PLCL1: variants seen among roughly 807,000 people sequenced by gnomAD.
The protein encoded by PLCL1 is phospholipase C like 1 (inactive).
Under a neutral mutation model 84.4 loss-of-function variants are expected in PLCL1, and 41 were observed. The ratio of observed to expected loss-of-function variants is 0.49; its 90% confidence interval spans 0.38 to 0.63. PLCL1 has a LOEUF of 0.63. PLCL1 is among the 30% of genes least tolerant of loss of function. The pLI is 0.00. For missense variants in PLCL1, 1,206 were observed against 1,367.8 expected, an observed-to-expected ratio of 0.88 and a Z score of 1.87; for synonymous variants, 490 against 488.3, an observed-to-expected ratio of 1.00 and a Z score of -0.05.
rs565186902 is a variant in PLCL1 at position 197,827,868 on chromosome 2, G to A, written c.240+22529G>A. On this transcript the variant is annotated intron_variant, in intron 1 of 5. Coordinates refer to ENST00000428675, the MANE Select transcript of PLCL1 (RefSeq NM_006226.4). ...AGTCAATGGAATATGATGACTCACA[G>A]GGAATGTAACTGTTTTCTGTTTTAG... 4.5e-4 allele frequency among the ~76,000 whole-genome samples: 68 copies of A among 152,214 alleles called. 2 individuals carry two copies. The South Asian group carries it at 1.0e-2, about 22-fold the overall frequency.
chr2:197,981,298 T>C (rs1242278789), intron 1 of PLCL1, among the ~76,000 whole-genome samples: 1 of 152,080 alleles, frequency 6.6e-6, no homozygotes, highest in Non-Finnish European at 1.5e-5. Context: ...ATGATAAAGA[T>C]CAACAGGAAA....
At chr2:198,026,302 A>G (rs894808024) in intron 1 of PLCL1, among the ~76,000 whole-genome samples, 9 of 152,334 alleles carry the variant, frequency 5.9e-5, no homozygotes, top group African/African-American at 1.4e-4. Context: ...GGGATGTAAA[A>G]TGCTGGTTTT....
chr2:197,861,508 A>G (rs1687433458), intron 1 of PLCL1, among the ~76,000 whole-genome samples: 1 of 152,166 alleles, frequency 6.6e-6, no homozygotes, highest in South Asian at 2.1e-4. Context: ...CTAGCAAATT[A>G]ATCAAACTTG....
At chr2:198,058,947 G>A (rs1692127332) in intron 1 of PLCL1, among the ~76,000 whole-genome samples, 2 of 152,134 alleles carry the variant, frequency 1.3e-5, no homozygotes, top group Admixed American at 1.3e-4. Flanking sequence ...AGATTTCCAA[G>A]GAACTAACCT....
At chr2:198,014,225 A>G (rs1277658410) in intron 1 of PLCL1, among the ~76,000 whole-genome samples, 1 of 152,118 alleles carries the variant, frequency 6.6e-6, no homozygotes, top group African/African-American at 2.4e-5. Context: ...TTAGGTAGAA[A>G]AGTTTGGGGT....
chr2:198,083,991 T>G lies in PLCL1; in HGVS notation c.474T>G (p.Leu158=), dbSNP rs1251000190. ...PSKKDLEKAK[L]DISAIKEIRL... Reference sequence around the variant, plus strand: ...AGAAAGACCTCGAGAAAGCCAAGCTTGATATTTCTGCCATAAAAGAGATCA... The same window carrying G: ...AGAAAGACCTCGAGAAAGCCAAGCTGGATATTTCTGCCATAAAAGAGATCA... The change falls in exon 2 of 6, where the codon CTT becomes CTG. Residue 158 remains leucine, a synonymous_variant. Coordinates refer to ENST00000428675, the MANE Select transcript of PLCL1 (RefSeq NM_006226.4). The G allele has an allele frequency of 3.7e-6, 6 of 1,613,892 alleles. No individual in the cohort carries two copies. In the African/African-American group the frequency reaches 6.7e-5, roughly 18 times the overall value.
intron 5 of PLCL1, among the ~76,000 whole-genome samples, chr2:198,116,173 G>T (rs900956018): frequency 6.6e-6 from 1 of 151,430 alleles, no homozygotes; most frequent in Admixed American, 6.6e-5. Context: ...TGATTATGGA[G>T]CAGCAAAAAA....
At chr2:198,122,153 C>G (rs1220085754) in intron 5 of PLCL1, among the ~76,000 whole-genome samples, 1 of 151,920 alleles carries the variant, frequency 6.6e-6, no homozygotes, top group Non-Finnish European at 1.5e-5. Context: ...AAAATGTGCT[C>G]AAGATGTGAA....
At chr2:198,073,955 A>T (rs988588851) in intron 1 of PLCL1, among the ~76,000 whole-genome samples, 1 of 152,204 alleles carries the variant, frequency 6.6e-6, no homozygotes, top group African/African-American at 2.4e-5. Context: ...CCCAAGTGAC[A>T]TACATTTATA....
chr2:197,991,339 A>T (rs1690343475), intron 1 of PLCL1, among the ~76,000 whole-genome samples: 1 of 152,084 alleles, frequency 6.6e-6, no homozygotes, highest in Admixed American at 6.5e-5. Flanking sequence ...CAGCTTGCAG[A>T]TGGCAGATGA....
intron 1 of PLCL1, among the ~76,000 whole-genome samples, chr2:197,819,144 A>G (rs1302181302): frequency 6.6e-6 from 1 of 152,064 alleles, no homozygotes; most frequent in Non-Finnish European, 1.5e-5. Flanking sequence ...GGCCTGCAAC[A>G]TCCCTATGAG....
intron 1 of PLCL1, among the ~76,000 whole-genome samples, chr2:198,068,482 A>T (rs1224312523): frequency 6.6e-6 from 1 of 152,176 alleles, no homozygotes; most frequent in African/African-American, 2.4e-5. Flanking sequence ...CTGAGGTGAA[A>T]TATCTTATTC....
At chr2:198,123,663 A>G (rs10173738) in intron 5 of PLCL1, among the ~76,000 whole-genome samples, 27,808 of 151,906 alleles carry the variant, frequency 0.18, 3,329 homozygotes, top group African/African-American at 0.34. Flanking sequence ...CTTAAGCTAC[A>G]GAGCAAACCT....
At chr2:197,873,485 C>T (rs946242443) in intron 1 of PLCL1, among the ~76,000 whole-genome samples, 27 of 152,076 alleles carry the variant, frequency 1.8e-4, no homozygotes, top group African/African-American at 6.3e-4. Flanking sequence ...TGGCTGCTCA[C>T]AGCCATGCTA....
In PLCL1 at chr2:197,804,942, TGCCGCC is replaced by T. The variant is rs3056066; in HGVS notation, c.-139_-134del. 69 of 733,072 alleles carry T rather than the reference TGCCGCC, an allele frequency of 9.4e-5. 1 individual carries two copies. Among genetic ancestry groups the T allele is most frequent in the African/African-American group, 6.6e-4 (33 of 50,084 alleles). The allele number at this position is 733,072 out of a possible 1,614,324, so 45.4% of individuals were successfully genotyped here. ...GAGCGATGTCCCCTCTCCAGAAAGT[TGCCGCC>T]GCCGCCGCCGCCGCCGCCACTGCCG... On this transcript the variant is annotated 5_prime_UTR_variant, in exon 1 of 6. Transcript: ENST00000428675.
rs151335741 is a variant in PLCL1 at position 197,904,453 on chromosome 2, A to G, written c.240+99114A>G. Among the ~76,000 whole-genome samples, 527 of 152,354 alleles carry G rather than the reference A, an allele frequency of 3.5e-3. 4 individuals are homozygous for G. Among genetic ancestry groups the G allele is most frequent in the African/African-American group, 0.012 (489 of 41,584 alleles). ...TGTATTAGAAAGTTTAGAAAAAGGC[A>G]GTAAAATTTGGCTTAATGGATAGTC... On this transcript the variant is annotated intron_variant, in intron 1 of 5. Coordinates refer to ENST00000428675, the MANE Select transcript of PLCL1 (RefSeq NM_006226.4).
intron 1 of PLCL1, among the ~76,000 whole-genome samples, chr2:197,847,721 C>A (rs768745258): frequency 1.3e-5 from 2 of 152,124 alleles, no homozygotes; most frequent in Non-Finnish European, 2.9e-5. Flanking sequence ...ATGTTATATT[C>A]TGAATAATGC....
At chr2:198,064,055 A>G (rs1368078684) in intron 1 of PLCL1, among the ~76,000 whole-genome samples, 2 of 152,200 alleles carry the variant, frequency 1.3e-5, no homozygotes, top group African/African-American at 4.8e-5. Flanking sequence ...ACTTTTATTC[A>G]ACAAGTATTT....
At chr2:198,062,450 A>C (rs1281219865) in intron 1 of PLCL1, among the ~76,000 whole-genome samples, 1 of 152,144 alleles carries the variant, frequency 6.6e-6, no homozygotes, top group Non-Finnish European at 1.5e-5. Flanking sequence ...CTTCTCTAGA[A>C]CTGCTTATGT....
Sources: gnomAD v4.1 joint callset for allele counts (sites outside exome capture counted in the v4.1 genomes callset) on GRCh38, gnomAD v4.1.1 for gene constraint, MANE v1.5 for transcripts, NCBI Gene and HGNC (gene_info 2026-07-23, HGNC 2026-07-21) for gene names.